Variants in SESTD1 observed in about 807,000 individuals in gnomAD.
The protein encoded by SESTD1 is SEC14 domain and spectrin repeat-containing protein 1.
Under a neutral mutation model 101.7 loss-of-function variants are expected in SESTD1, and 43 were observed. The observed-to-expected ratio is 0.42, with a 90% CI of 0.33 to 0.55. The LOEUF (loss-of-function observed/expected upper bound fraction) is 0.55, where lower values mean the gene tolerates loss of function less well. SESTD1 is among the 20% of genes least tolerant of loss of function. The pLI, the probability that SESTD1 is intolerant of heterozygous loss-of-function variation, is 0.07. For missense variants in SESTD1, 647 were observed against 815.1 expected (o/e 0.79, Z 2.51); for synonymous variants, 283 against 286.8 (o/e 0.99, Z 0.13).
chr2:179,262,956 A>G (rs1456284403), intron 1 of SESTD1, among the ~76,000 whole-genome samples: 1 of 152,194 alleles, frequency 6.6e-6, no homozygotes, highest in African/African-American at 2.4e-5. Context: ...TCTTACATCA[A>G]TTATTCCATT....
intron 1 of SESTD1, among the ~76,000 whole-genome samples, chr2:179,230,537 A>C (rs1304819066): frequency 1.3e-5 from 2 of 152,096 alleles, no homozygotes; most frequent in Non-Finnish European, 2.9e-5. Flanking sequence ...TAAATAAATA[A>C]GAGAAAAGGT....
intron 12 of SESTD1, among the ~76,000 whole-genome samples, chr2:179,122,227 A>C (rs965266517): frequency 6.6e-6 from 1 of 152,222 alleles, no homozygotes; most frequent in African/African-American, 2.4e-5. Flanking sequence ...GAAGAAAAAT[A>C]TGAAAATTCC....
At chr2:179,130,681 T>G (rs79906679) in intron 10 of SESTD1, among the ~76,000 whole-genome samples, 4,060 of 152,152 alleles carry the variant, frequency 0.027, 84 homozygotes, top group Admixed American at 0.035. Flanking sequence ...GTGCCATGTG[T>G]CCTTCCTAAA....
intron 12 of SESTD1, among the ~76,000 whole-genome samples, 191 bp downstream of exon 12, chr2:179,123,524 T>G (rs1172616827): frequency 6.6e-6 from 1 of 152,144 alleles, no homozygotes; most frequent in East Asian, 1.9e-4. Flanking sequence ...AGTGACTAAC[T>G]AACGATGAAA....
At chr2:179,183,218 G>GT (rs768536076) in intron 2 of SESTD1, 30 bp from the exon 3 acceptor site, 2 of 1,399,924 alleles carry the variant, frequency 1.4e-6, no homozygotes, top group South Asian at 2.4e-5. Context: ...AATTTAACAT[G>GT]TAATACATAT....
In SESTD1 at chr2:179,191,088, G is replaced by A. The variant is rs527521568; in HGVS notation, c.55+699C>T. On this transcript the variant is annotated intron_variant, in intron 2 of 17. Transcript: ENST00000428443. ...TCCCATTACTGTGTATATATCCAACGGAAAATAAATTGCTCTATCAAAAAG... is the reference window on the plus strand; with the variant it reads ...TCCCATTACTGTGTATATATCCAACAGAAAATAAATTGCTCTATCAAAAAG... Among the ~76,000 whole-genome samples the A allele has an allele frequency of 5.9e-4, 90 of 152,234 alleles. 1 individual carries two copies. The Middle Eastern group carries it at 0.01, about 17-fold the overall frequency.
intron 1 of SESTD1, among the ~76,000 whole-genome samples, chr2:179,198,024 A>G (rs893578258): frequency 6.6e-6 from 1 of 152,232 alleles, no homozygotes; most frequent in Admixed American, 6.5e-5. Context: ...CAAACTGGAT[A>G]AAGAGTCAAG....
chr2:179,201,517 C>G (rs1574032258), intron 1 of SESTD1, among the ~76,000 whole-genome samples: 1 of 133,302 alleles, frequency 7.5e-6, no homozygotes. Context: ...AGGCTTGGAA[C>G]CAACCCAAAT....
At chr2:179,255,568 A>C (rs1334872419) in intron 1 of SESTD1, among the ~76,000 whole-genome samples, 1 of 152,234 alleles carries the variant, frequency 6.6e-6, no homozygotes, top group Non-Finnish European at 1.5e-5. Flanking sequence ...GCAAGTTTGA[A>C]GCTAGTAGGA....
chr2:179,159,259 T>C (rs1575450923), intron 5 of SESTD1, among the ~76,000 whole-genome samples: 1 of 152,276 alleles, frequency 6.6e-6, no homozygotes, highest in African/African-American at 2.4e-5. Context: ...TGAAAAACTG[T>C]CCACCTGCTT....
chr2:179,224,015 C>T (rs2046848984), intron 1 of SESTD1, among the ~76,000 whole-genome samples: 1 of 152,052 alleles, frequency 6.6e-6, no homozygotes, highest in South Asian at 2.1e-4. Context: ...ATCAAATTTG[C>T]TTTTGAGAAA....
At chr2:179,114,917 T>C (rs765533158) in intron 16 of SESTD1, 148 bp downstream of exon 16, 28 of 696,758 alleles carry the variant, frequency 4.0e-5, no homozygotes, top group Non-Finnish European at 5.5e-5. Context: ...TCTAAGGCAA[T>C]GTATTATATC....
In SESTD1 at chr2:179,105,796, T is replaced by C. The variant is rs2044370338; in HGVS notation, c.*4103A>G. 3 of 152,168 alleles carry C rather than the reference T, an allele frequency of 2.0e-5. No homozygotes were observed. The South Asian group carries it at 6.2e-4, about 31-fold the overall frequency. The allele number at this position is 152,168 out of a possible 1,614,324, so 9.4% of individuals were successfully genotyped here. ...AAATTCTCAGATATTTTTTTAACAG[T>C]AAATGGCAAAGCCAGATTTTTGAAG... On this transcript the variant is annotated 3_prime_UTR_variant, in exon 18 of 18. Transcript: ENST00000428443.
At chr2:179,142,922 A>G (rs2045310187) in intron 9 of SESTD1, among the ~76,000 whole-genome samples, 1 of 152,232 alleles carries the variant, frequency 6.6e-6, no homozygotes, top group Non-Finnish European at 1.5e-5. Context: ...ATCACTTAAT[A>G]AATGTTTATC....
At chr2:179,262,448 T>C (rs539807907) in intron 1 of SESTD1, among the ~76,000 whole-genome samples, 1 of 152,318 alleles carries the variant, frequency 6.6e-6, no homozygotes, top group South Asian at 2.1e-4. Context: ...TGGAATGCAG[T>C]GGTCCAATCA....
intron 1 of SESTD1, among the ~76,000 whole-genome samples, chr2:179,198,160 C>T (rs1321957162): frequency 2.6e-5 from 4 of 152,142 alleles, no homozygotes; most frequent in Non-Finnish European, 4.4e-5. Context: ...GGTTGCAATC[C>T]TAGTCTCTGA....
chr2:179,254,908 G>A (rs2047369910), intron 1 of SESTD1, among the ~76,000 whole-genome samples: 1 of 152,082 alleles, frequency 6.6e-6, no homozygotes, highest in Non-Finnish European at 1.5e-5. Flanking sequence ...TTGTGTTTCT[G>A]TGTCACATTT....
chr2:179,194,101 A>G (rs1559138356), intron 1 of SESTD1, among the ~76,000 whole-genome samples: 1 of 152,034 alleles, frequency 6.6e-6, no homozygotes, highest in Non-Finnish European at 1.5e-5. Flanking sequence ...ATTCTCCCCA[A>G]CTAGCTGGAT....
intron 11 of SESTD1, 97 bp from the exon 12 acceptor site, chr2:179,123,926 T>A: frequency 1.2e-6 from 1 of 856,236 alleles, no homozygotes; most frequent in Non-Finnish European, 1.9e-6. Flanking sequence ...GTTATCACAA[T>A]TACACTTGAA....
Sources: allele counts gnomAD v4.1 joint callset (sites outside exome capture counted in the v4.1 genomes callset), GRCh38; gene constraint gnomAD v4.1.1; transcripts MANE v1.5; gene names NCBI Gene and HGNC (gene_info 2026-07-23, HGNC 2026-07-21).